NLGN1: variants seen among roughly 807,000 people sequenced by gnomAD.
The protein encoded by NLGN1 is neuroligin-1.
A neutral mutation model predicts 65.5 loss-of-function variants in NLGN1; 12 were observed. That is an observed-to-expected ratio of 0.18 (90% CI 0.12 to 0.30). The LOEUF is 0.30. Among genes scored for constraint, NLGN1 ranks in the 10% least tolerant of loss-of-function variants. NLGN1 has a pLI of 1.00. For synonymous variants in NLGN1, 350 were observed against 359.5 expected, an observed-to-expected ratio of 0.97 and a Z score of 0.30; for missense variants, 750 against 1,007.1, an observed-to-expected ratio of 0.74 and a Z score of 3.46.
rs1441190980 is a variant in NLGN1, at chr3:174,146,139, TCCTTCCTTCCTTCCTCTC to T, written c.647-129175_647-129158del. Among the ~76,000 whole-genome samples, 566 of 137,920 alleles carry T rather than the reference TCCTTCCTTCCTTCCTCTC, an allele frequency of 4.1e-3. 3 individuals are homozygous for T. Among genetic ancestry groups the T allele is most frequent in the African/African-American group, 0.016 (537 of 32,810 alleles). 90.5% of individuals were successfully genotyped at this position (137,920 alleles called of 152,430 possible). ...TTCCTTCCTTCCTTCCTTCCTTCCT[TCCTTCCTTCCTTCCTCTC>T]TCCCTCCCTCCCTTCCTCTTTCTTT... On this transcript the variant is annotated intron_variant, in intron 4 of 6. Transcript: ENST00000457714.
At chr3:174,148,695 G>C (rs1577097172) in intron 4 of NLGN1, among the ~76,000 whole-genome samples, 2 of 152,150 alleles carry the variant, frequency 1.3e-5, no homozygotes, top group Admixed American at 6.6e-5. Context: ...TTATTAAATA[G>C]AAATCAAAAA....
At chr3:173,439,957 G>T (rs958731495) in intron 2 of NLGN1, among the ~76,000 whole-genome samples, 18 of 152,198 alleles carry the variant, frequency 1.2e-4, no homozygotes, top group African/African-American at 2.4e-4. Context: ...AGATTTCTTT[G>T]TATCATGCAA....
intron 4 of NLGN1, among the ~76,000 whole-genome samples, chr3:174,173,813 ATTTC>A (rs1050480610): frequency 1.3e-4 from 19 of 151,484 alleles, no homozygotes; most frequent in Admixed American, 7.9e-4. Context: ...CTTTTATCTA[ATTTC>A]TTTCTTTCTT....
chr3:174,117,228 A>C (rs1450198778), intron 4 of NLGN1, among the ~76,000 whole-genome samples: 2 of 150,690 alleles, frequency 1.3e-5, no homozygotes, highest in Non-Finnish European at 3.0e-5. Context: ...AAAAAAAAAA[A>C]CTGGTTCATG....
At chr3:173,988,447 T>A (rs116486501) in intron 4 of NLGN1, among the ~76,000 whole-genome samples, 2,130 of 152,320 alleles carry the variant, frequency 0.014, 23 homozygotes, top group Non-Finnish European at 0.024. Flanking sequence ...GTTAATAATC[T>A]GATTTTTTTA....
intron 4 of NLGN1, among the ~76,000 whole-genome samples, chr3:173,881,598 G>C (rs937895432): frequency 2.0e-5 from 3 of 150,398 alleles, no homozygotes; most frequent in African/African-American, 7.4e-5. Flanking sequence ...CTAATTTTTT[G>C]TGTGTTTTTA....
intron 4 of NLGN1, among the ~76,000 whole-genome samples, chr3:173,969,481 T>C (rs946883355): frequency 1.3e-4 from 20 of 152,152 alleles, no homozygotes; most frequent in African/African-American, 4.8e-4. Context: ...CTAGTAAATA[T>C]AGTGGGCACT....
chr3:174,177,892 C>T (rs1280105396), intron 4 of NLGN1, among the ~76,000 whole-genome samples: 1 of 152,066 alleles, frequency 6.6e-6, no homozygotes, highest in Non-Finnish European at 1.5e-5. Flanking sequence ...GACAGCAATA[C>T]TGCCCCGGAT....
chr3:174,132,466 G>C (rs910676167), intron 4 of NLGN1, among the ~76,000 whole-genome samples: 1 of 151,918 alleles, frequency 6.6e-6, no homozygotes, highest in African/African-American at 2.4e-5. Context: ...GACTGCTTCA[G>C]AAAAAAATCA....
At chr3:174,072,755 T>C (rs1252510557) in intron 4 of NLGN1, among the ~76,000 whole-genome samples, 1 of 152,082 alleles carries the variant, frequency 6.6e-6, no homozygotes, top group Non-Finnish European at 1.5e-5. Flanking sequence ...AAGATTCGTT[T>C]TGGAGCCCCC....
intron 4 of NLGN1, among the ~76,000 whole-genome samples, chr3:173,987,155 C>G (rs1720124834): frequency 6.6e-6 from 1 of 152,140 alleles, no homozygotes; most frequent in African/African-American, 2.4e-5. Flanking sequence ...TGAATCTTCC[C>G]TGAAATTACT....
chr3:173,607,120 A>G (rs1277542573), intron 3 of NLGN1, among the ~76,000 whole-genome samples: 1 of 152,012 alleles, frequency 6.6e-6, no homozygotes, highest in Non-Finnish European at 1.5e-5. Context: ...TGAGTGAGAA[A>G]GTGACCTTTC....
At chr3:173,637,072 T>TA (rs1341493279) in intron 3 of NLGN1, among the ~76,000 whole-genome samples, 1 of 152,082 alleles carries the variant, frequency 6.6e-6, no homozygotes, top group Non-Finnish European at 1.5e-5. Flanking sequence ...GATAAATTCT[T>TA]AAAAAAATAG....
chr3:173,837,817 G>T (rs1362322081), intron 4 of NLGN1, among the ~76,000 whole-genome samples: 1 of 152,138 alleles, frequency 6.6e-6, no homozygotes, highest in African/African-American at 2.4e-5. Context: ...ATGTGGCCAT[G>T]GGGAATGTCA....
chr3:174,090,763 G>T (rs1259188003), intron 4 of NLGN1, among the ~76,000 whole-genome samples: 1 of 151,140 alleles, frequency 6.6e-6, no homozygotes, highest in Non-Finnish European at 1.5e-5. Flanking sequence ...GAATGTTATG[G>T]CAATCTTCCA....
chr3:173,717,363 C>A (rs1468620303), intron 3 of NLGN1, among the ~76,000 whole-genome samples: 2 of 152,012 alleles, frequency 1.3e-5, no homozygotes, highest in African/African-American at 4.8e-5. Flanking sequence ...TGGTGCATGT[C>A]CATTTTTTAC....
intron 4 of NLGN1, among the ~76,000 whole-genome samples, chr3:174,010,443 C>T (rs946901675): frequency 1.3e-5 from 2 of 152,044 alleles, no homozygotes; most frequent in African/African-American, 4.8e-5. Flanking sequence ...AGATATACTA[C>T]AAAATAATAC....
chr3:173,719,327 C>T (rs188506321), intron 3 of NLGN1, among the ~76,000 whole-genome samples: 1 of 152,228 alleles, frequency 6.6e-6, no homozygotes, highest in East Asian at 1.9e-4. Flanking sequence ...ACTTATTTTC[C>T]TTAAACTCCT....
intron 4 of NLGN1, among the ~76,000 whole-genome samples, chr3:174,034,098 G>T (rs1016918615): frequency 6.6e-6 from 1 of 151,988 alleles, no homozygotes; most frequent in Non-Finnish European, 1.5e-5. Flanking sequence ...GAGGAACAAG[G>T]ATAAGAATTA....
Sources: allele counts gnomAD v4.1 joint callset (sites outside exome capture counted in the v4.1 genomes callset), GRCh38; gene constraint gnomAD v4.1.1; transcripts MANE v1.5; gene names NCBI Gene and HGNC (gene_info 2026-07-23, HGNC 2026-07-21).